Variants in TSHZ2 observed in about 807,000 individuals in gnomAD.
The protein encoded by TSHZ2 is teashirt zinc finger homeobox 2.
In TSHZ2, 21 loss-of-function variants were observed where a neutral mutation model predicts 74.4. The ratio of observed to expected loss-of-function variants is 0.28; its 90% confidence interval spans 0.20 to 0.41. TSHZ2 has a LOEUF of 0.41. TSHZ2 is among the 10% of genes least tolerant of loss of function. The pLI is 1.00. For synonymous variants in TSHZ2, 540 were observed against 515.3 expected (o/e 1.05, Z -0.65); for missense variants, 1,244 against 1,293.5 (o/e 0.96, Z 0.59).
intron 1 of TSHZ2, among the ~76,000 whole-genome samples, chr20:53,006,493 G>T (rs925187539): frequency 4.6e-5 from 7 of 152,204 alleles, no homozygotes; most frequent in African/African-American, 1.7e-4. Context: ...ATAGGGAGTG[G>T]TGAGGACCAT....
At chr20:53,070,845 T>C (rs950297508) in intron 1 of TSHZ2, among the ~76,000 whole-genome samples, 1 of 152,186 alleles carries the variant, frequency 6.6e-6, no homozygotes, top group African/African-American at 2.4e-5. Context: ...GTAATTGACA[T>C]GTGGGCGTGT....
At chr20:53,044,793 C>T (rs1031819377) in intron 1 of TSHZ2, among the ~76,000 whole-genome samples, 2 of 152,120 alleles carry the variant, frequency 1.3e-5, no homozygotes, top group African/African-American at 4.8e-5. Flanking sequence ...CGCTGCAGCC[C>T]TGAACTCCTG....
At chr20:53,095,512 T>C (rs1044943881) in intron 1 of TSHZ2, among the ~76,000 whole-genome samples, 4 of 152,110 alleles carry the variant, frequency 2.6e-5, no homozygotes, top group Non-Finnish European at 2.9e-5. Context: ...TAAGATATTA[T>C]TAGAAGCAGC....
intron 2 of TSHZ2, among the ~76,000 whole-genome samples, chr20:53,270,339 C>T (rs1990809557): frequency 6.6e-6 from 1 of 152,270 alleles, no homozygotes; most frequent in South Asian, 2.1e-4. Flanking sequence ...AGGCCAAGCT[C>T]TGAGTCCTAA....
chr20:53,494,825 C>T lies in TSHZ2; in HGVS notation c.*7690C>T, dbSNP rs1162242969. 4 of 151,760 alleles carry T rather than the reference C, an allele frequency of 2.6e-5. No individual in the cohort carries two copies. The highest frequency in any genetic ancestry group is 5.9e-5 in the Non-Finnish European group (4 of 67,964). 9.4% of individuals were successfully genotyped at this position (151,760 alleles called of 1,614,324 possible). On this transcript the variant is annotated 3_prime_UTR_variant, in exon 3 of 3. Coordinates refer to ENST00000371497, the MANE Select transcript of TSHZ2 (RefSeq NM_173485.6). ...ACATTTTTATACATGATAACTCTTG[C>T]CTTTGTGTTGAAAAAAAAAAAGTCT...
chr20:53,140,539 CAAAAAAAAA>C (rs34045440), intron 1 of TSHZ2, among the ~76,000 whole-genome samples: 16 of 79,792 alleles, frequency 2.0e-4, no homozygotes, highest in East Asian at 8.3e-4. Context: ...GACTCCGTCT[CAAAAAAAAA>C]AAAAAAAAAA....
intron 2 of TSHZ2, among the ~76,000 whole-genome samples, chr20:53,403,547 C>T (rs1355730645): frequency 1.3e-5 from 2 of 152,110 alleles, no homozygotes; most frequent in African/African-American, 4.8e-5. Flanking sequence ...TGTGCAGCAT[C>T]CACATCTGGT....
At chr20:53,461,262 C>G (rs928701153) in intron 2 of TSHZ2, among the ~76,000 whole-genome samples, 11 of 152,160 alleles carry the variant, frequency 7.2e-5, no homozygotes. Flanking sequence ...TTTTTAAGCC[C>G]GTCAGAAAAG....
intron 1 of TSHZ2, among the ~76,000 whole-genome samples, chr20:53,123,101 G>A (rs77209362): frequency 0.021 from 3,257 of 152,226 alleles, 101 homozygotes; most frequent in African/African-American, 0.065. Context: ...TCACCAATCC[G>A]GCTTCTCCAG....
chr20:53,058,115 T>G (rs568978851), intron 1 of TSHZ2, among the ~76,000 whole-genome samples: 1 of 152,258 alleles, frequency 6.6e-6, no homozygotes, highest in East Asian at 1.9e-4. Flanking sequence ...CAATAGGGTT[T>G]AGGCCCTTGA....
intron 2 of TSHZ2, among the ~76,000 whole-genome samples, chr20:53,472,009 TG>T (rs1297857934): frequency 6.6e-6 from 1 of 152,040 alleles, no homozygotes; most frequent in African/African-American, 2.4e-5. Flanking sequence ...TTCTTCATGT[TG>T]GTCAGGCTGG....
intron 1 of TSHZ2, among the ~76,000 whole-genome samples, chr20:52,973,795 A>G (rs1369441250): frequency 6.6e-6 from 1 of 152,188 alleles, no homozygotes; most frequent in African/African-American, 2.4e-5. Context: ...CTCGGGCTGC[A>G]GGCAGGCTTT....
chr20:53,051,208 T>G (rs1176199378), intron 1 of TSHZ2, among the ~76,000 whole-genome samples: 1 of 152,006 alleles, frequency 6.6e-6, no homozygotes, highest in Non-Finnish European at 1.5e-5. Context: ...GTGTGGTGGC[T>G]GGCGCCTGTA....
intron 1 of TSHZ2, among the ~76,000 whole-genome samples, chr20:53,068,129 G>A (rs139572570): frequency 1.3e-5 from 2 of 152,264 alleles, no homozygotes; most frequent in East Asian, 3.9e-4. Flanking sequence ...TCCTAAAGAC[G>A]TCATCTTAAG....
intron 2 of TSHZ2, among the ~76,000 whole-genome samples, chr20:53,361,736 C>T (rs377007828): frequency 6.6e-6 from 1 of 152,108 alleles, no homozygotes; most frequent in Non-Finnish European, 1.5e-5. Flanking sequence ...CTAAATGTCC[C>T]GTAATGCACA....
intron 1 of TSHZ2, among the ~76,000 whole-genome samples, chr20:53,220,328 A>G (rs1364278052): frequency 6.6e-6 from 1 of 152,226 alleles, no homozygotes; most frequent in Non-Finnish European, 1.5e-5. Flanking sequence ...GTTCATACAC[A>G]CACACTTGTC....
chr20:53,080,427 C>T (rs1036556079), intron 1 of TSHZ2, among the ~76,000 whole-genome samples: 3 of 152,170 alleles, frequency 2.0e-5, no homozygotes, highest in African/African-American at 7.2e-5. Flanking sequence ...TGCATTGAAT[C>T]CTCTATTAAC....
intron 2 of TSHZ2, among the ~76,000 whole-genome samples, chr20:53,291,913 G>A (rs1600793335): frequency 6.6e-6 from 1 of 151,174 alleles, no homozygotes; most frequent in South Asian, 2.1e-4. Context: ...TTGGGATACT[G>A]ACACCATGGT....
chr20:53,016,652 A>T (rs1338094541), intron 1 of TSHZ2, among the ~76,000 whole-genome samples: 1 of 152,200 alleles, frequency 6.6e-6, no homozygotes, highest in Non-Finnish European at 1.5e-5. Flanking sequence ...AAATCAAATA[A>T]GTAAGTGCAA....
Sources: gnomAD v4.1 joint callset for allele counts (sites outside exome capture counted in the v4.1 genomes callset) on GRCh38, gnomAD v4.1.1 for gene constraint, MANE v1.5 for transcripts, NCBI Gene and HGNC (gene_info 2026-07-23, HGNC 2026-07-21) for gene names.